Variants in CDH10 observed in about 807,000 individuals in gnomAD.
CDH10 encodes the protein cadherin-10.
A neutral mutation model predicts 73.1 loss-of-function variants in CDH10; 30 were observed. That is an observed-to-expected ratio of 0.41 (90% CI 0.31 to 0.56). The LOEUF is 0.56. Among genes scored for constraint, CDH10 ranks in the 20% least tolerant of loss-of-function variants. CDH10 has a pLI of 0.27. For synonymous variants in CDH10, 345 were observed against 348.2 expected (o/e 0.99, Z 0.10); for missense variants, 815 against 973.7 (o/e 0.84, Z 2.17).
At chr5:24,632,338 AT>A (rs1747729854) in intron 1 of CDH10, among the ~76,000 whole-genome samples, 1 of 160 alleles carries the variant, frequency 6.3e-3, no homozygotes, top group Non-Finnish European at 0.016. Flanking sequence ...TATATACACC[AT>A]TTCAATTTCA....
chr5:24,497,056 C>T (rs1742318227), intron 9 of CDH10, among the ~76,000 whole-genome samples: 2 of 152,106 alleles, frequency 1.3e-5, no homozygotes, highest in South Asian at 2.1e-4. Flanking sequence ...TGATTATTTT[C>T]CTTCAATACA....
At chr5:24,569,031 A>C (rs1745267564) in intron 2 of CDH10, among the ~76,000 whole-genome samples, 1 of 151,886 alleles carries the variant, frequency 6.6e-6, no homozygotes, top group South Asian at 2.1e-4. Flanking sequence ...AATGGCATGA[A>C]CACAAGAGGC....
At chr5:24,637,261 T>A (rs1421343398) in intron 1 of CDH10, among the ~76,000 whole-genome samples, 1 of 151,944 alleles carries the variant, frequency 6.6e-6, no homozygotes, top group African/African-American at 2.4e-5. Context: ...GGCACTTAAA[T>A]AATACTTGGC....
At chr5:24,559,910 G>A (rs1229060135) in intron 2 of CDH10, among the ~76,000 whole-genome samples, 2 of 152,084 alleles carry the variant, frequency 1.3e-5, no homozygotes, top group African/African-American at 4.8e-5. Flanking sequence ...TTGGCCAGAA[G>A]ACAAATGAAA....
Position 24,505,122 on chromosome 5 carries a change from A to G in CDH10, c.1383T>C (p.Ala461=), listed in dbSNP as rs746340617. 3.1e-6 allele frequency: 5 copies of G among 1,609,408 alleles called. No homozygotes were observed. The highest frequency in any genetic ancestry group is 2.2e-5 in the South Asian group (2 of 90,946). The change falls in exon 8 of 12, where the codon GCT becomes GCC. Residue 461 remains alanine, a synonymous_variant. Coordinates refer to ENST00000264463, the MANE Select transcript of CDH10 (RefSeq NM_006727.5). ...TAAAATTCATCTTACTGATTTCAGC[A>G]GCAATAACAGTAAGATTATGCCACT... The part of the protein sequence containing the change: ...LSQWHNLTVI[A]AEINNPKETT...
chr5:24,489,029 T>C (rs980680246), intron 11 of CDH10, among the ~76,000 whole-genome samples: 3 of 152,120 alleles, frequency 2.0e-5, no homozygotes, highest in African/African-American at 4.8e-5. Context: ...CTGATTGCAT[T>C]AGAGTTTCTC....
intron 1 of CDH10, among the ~76,000 whole-genome samples, chr5:24,616,214 C>T (rs1436986246): frequency 1.3e-5 from 2 of 151,814 alleles, no homozygotes; most frequent in African/African-American, 4.8e-5. Context: ...TCCATTTTCT[C>T]ATTTTTCTGT....
chr5:24,497,668 T>G (rs1403304637), intron 9 of CDH10, among the ~76,000 whole-genome samples: 2 of 152,192 alleles, frequency 1.3e-5, no homozygotes, highest in Non-Finnish European at 2.9e-5. Flanking sequence ...GTTCCTTTTT[T>G]TAAATAAACA....
At chr5:24,541,856 G>A (rs1744169974) in intron 2 of CDH10, among the ~76,000 whole-genome samples, 1 of 152,004 alleles carries the variant, frequency 6.6e-6, no homozygotes, top group Non-Finnish European at 1.5e-5. Context: ...GACATGGCAA[G>A]ATACATGACA....
In CDH10 at chr5:24,599,694, A is replaced by T. The variant is rs183046329; in HGVS notation, c.-123-6081T>A. ...AAAAGTATAAACATGGAGATATAAG[A>T]CTGGCCATTAACAATCTACTTAAAT... is the stretch of plus-strand genomic sequence containing the variant. On this transcript the variant is annotated intron_variant, in intron 1 of 11. Coordinates refer to ENST00000264463, the MANE Select transcript of CDH10 (RefSeq NM_006727.5). 1.1e-4 allele frequency among the ~76,000 whole-genome samples: 17 copies of T among 152,268 alleles called. No homozygotes were observed. The East Asian group carries it at 2.5e-3, about 23-fold the overall frequency.
intron 2 of CDH10, among the ~76,000 whole-genome samples, chr5:24,544,427 G>T (rs1247041735): frequency 2.0e-5 from 3 of 152,076 alleles, no homozygotes; most frequent in Non-Finnish European, 4.4e-5. Context: ...ATTTCTTTCG[G>T]GGACCAGAGG....
chr5:24,636,363 T>C (rs1437485695), intron 1 of CDH10, among the ~76,000 whole-genome samples: 1 of 151,990 alleles, frequency 6.6e-6, no homozygotes, highest in Non-Finnish European at 1.5e-5. Context: ...TGAGAGCACT[T>C]ACGTTAGGTT....
At chr5:24,562,452 C>T (rs927863995) in intron 2 of CDH10, among the ~76,000 whole-genome samples, 5 of 151,634 alleles carry the variant, frequency 3.3e-5, no homozygotes, top group African/African-American at 1.2e-4. Flanking sequence ...AAACTGGAAA[C>T]CAAAGAAATT....
intron 8 of CDH10, among the ~76,000 whole-genome samples, chr5:24,504,671 G>A (rs1034008154): frequency 5.3e-5 from 8 of 151,460 alleles, no homozygotes; most frequent in South Asian, 2.1e-4. Context: ...GACTACAGGC[G>A]CCCGCCACCA....
intron 1 of CDH10, among the ~76,000 whole-genome samples, chr5:24,631,944 T>C (rs1167815402): frequency 6.6e-6 from 1 of 152,038 alleles, no homozygotes; most frequent in African/African-American, 2.4e-5. Context: ...ATAATTCTAT[T>C]TGAGAGGAAA....
At chr5:24,601,600 A>G (rs1397067938) in intron 1 of CDH10, among the ~76,000 whole-genome samples, 1 of 152,172 alleles carries the variant, frequency 6.6e-6, no homozygotes, top group Non-Finnish European at 1.5e-5. Flanking sequence ...ACTAGTTCAA[A>G]ACATTTAAAA....
At chr5:24,536,974 T>C (rs1200830507) in intron 3 of CDH10, among the ~76,000 whole-genome samples, 5 of 151,904 alleles carry the variant, frequency 3.3e-5, no homozygotes, top group Non-Finnish European at 2.9e-5. Flanking sequence ...CAGATGAAAT[T>C]TTTCGGTAAA....
chr5:24,544,216 C>T (rs911900803), intron 2 of CDH10, among the ~76,000 whole-genome samples: 2 of 152,062 alleles, frequency 1.3e-5, no homozygotes, highest in Non-Finnish European at 2.9e-5. Context: ...ATCTCTTGAA[C>T]TGGGGAGGCG....
chr5:24,626,105 G>T (rs1747488029), intron 1 of CDH10, among the ~76,000 whole-genome samples: 1 of 152,092 alleles, frequency 6.6e-6, no homozygotes, highest in South Asian at 2.1e-4. Flanking sequence ...AAAAATAACT[G>T]CAAACACAAA....
Sources: allele counts gnomAD v4.1 joint callset (sites outside exome capture counted in the v4.1 genomes callset), GRCh38; gene constraint gnomAD v4.1.1; transcripts MANE v1.5; gene names NCBI Gene and HGNC (gene_info 2026-07-23, HGNC 2026-07-21).